CPM: variants seen among roughly 807,000 people sequenced by gnomAD.
CPM encodes the protein carboxypeptidase M.
CPM carries 35 observed loss-of-function variants against 46.4 expected under a neutral mutation model. The observed-to-expected ratio is 0.75, with a 90% CI of 0.58 to 1.00. The LOEUF (loss-of-function observed/expected upper bound fraction) is 1.00. CPM is among the 50% of genes least tolerant of loss of function. The pLI is 0.00. For missense variants in CPM, 422 were observed against 530.4 expected (o/e 0.80, Z 2.01); for synonymous variants, 195 against 195.3 (o/e 1.00, Z 0.01).
chr12:68,871,993 T>A, intron 3 of CPM, 37 bp from the exon 4 acceptor site: 1 of 1,609,552 alleles, frequency 6.2e-7, no homozygotes, highest in Non-Finnish European at 8.5e-7. Context: ...CATTATTAGG[T>A]CAGAGGCAAT....
At chr12:68,911,058 C>T (rs1874890) in intron 2 of CPM, among the ~76,000 whole-genome samples, 8,309 of 152,178 alleles carry the variant, frequency 0.055, 520 homozygotes, top group African/African-American at 0.15. Context: ...ATTTGCTATA[C>T]GGCATCTGGG....
intron 1 of CPM, among the ~76,000 whole-genome samples, chr12:68,959,536 GA>G (rs1216967581): frequency 6.6e-6 from 1 of 152,198 alleles, no homozygotes; most frequent in Non-Finnish European, 1.5e-5. Context: ...TTGGACCAAG[GA>G]CAAATACATT....
chr12:68,860,954 T>A (rs761273228), intron 7 of CPM, among the ~76,000 whole-genome samples: 1 of 151,866 alleles, frequency 6.6e-6, no homozygotes, highest in South Asian at 2.1e-4. Flanking sequence ...GATCAGGGCT[T>A]ACTGCAGCCT....
chr12:68,953,076 G>A (rs1463513614), intron 1 of CPM, among the ~76,000 whole-genome samples: 1 of 152,184 alleles, frequency 6.6e-6, no homozygotes, highest in African/African-American at 2.4e-5. Context: ...GGCAGGTACT[G>A]GTTCACAGAG....
At chr12:68,849,778 A>G (rs1884577019), downstream of CPM, 1 of 148,684 alleles carries the variant, frequency 6.7e-6, no homozygotes, top group Admixed American at 6.7e-5. Flanking sequence ...ATGCCTGGCA[A>G]ATTTTTGTAT....
At chr12:68,949,425 T>A (rs1254298257) in intron 1 of CPM, among the ~76,000 whole-genome samples, 1 of 152,176 alleles carries the variant, frequency 6.6e-6, no homozygotes. Context: ...TAGATAAGGA[T>A]TCAAATTCTG....
intron 3 of CPM, among the ~76,000 whole-genome samples, chr12:68,884,640 G>A (rs964088420): frequency 3.9e-5 from 6 of 152,222 alleles, no homozygotes; most frequent in African/African-American, 1.4e-4. Flanking sequence ...AAAGTTATAA[G>A]TTGTGTTTTA....
At position 68,871,826 on chromosome 12, in the gene CPM, A is replaced by C. The variant is rs776780426; in HGVS notation, c.389T>G (p.Phe130Cys). The C allele has an allele frequency of 5.0e-6, 8 of 1,614,206 alleles. No homozygotes were observed. In the Admixed American group the frequency reaches 8.3e-5, roughly 17 times the overall value. The change falls in exon 4 of 9, where the codon TTT becomes TGT. Residue 130 changes from phenylalanine (F) to cysteine (C), a missense_variant. Coordinates refer to ENST00000551568, the MANE Select transcript of CPM (RefSeq NM_198320.5). The part of the protein sequence containing the change: ...HIMPSMNPDG[F>C]EAVKKPDCYY... ...ACAGTCAGGCTTTTTGACGGCTTCA[A>C]ATCCATCTGGGTTCATGGAAGGCAT...
chr12:68,877,601 A>G (rs1360998478), intron 3 of CPM, among the ~76,000 whole-genome samples: 9 of 152,226 alleles, frequency 5.9e-5, no homozygotes, highest in Non-Finnish European at 8.8e-5. Flanking sequence ...CTTAAAATGA[A>G]TTAGATATTT....
At chr12:68,913,904 A>G (rs1477411642) in intron 2 of CPM, 25 of 708,422 alleles carry the variant, frequency 3.5e-5, no homozygotes, top group Middle Eastern at 2.5e-4. Flanking sequence ...ATGCAACAAG[A>G]TATCAAAAGA....
chr12:68,925,820 A>C (rs1888234639), intron 2 of CPM, among the ~76,000 whole-genome samples: 1 of 152,238 alleles, frequency 6.6e-6, no homozygotes, highest in Admixed American at 6.5e-5. Flanking sequence ...GCACAGTCCG[A>C]TCAAAATATA....
intron 2 of CPM, among the ~76,000 whole-genome samples, chr12:68,888,771 G>A (rs1399804986): frequency 6.6e-6 from 1 of 152,206 alleles, no homozygotes; most frequent in African/African-American, 2.4e-5. Context: ...AGAGATTTCA[G>A]TATTTATATT....
upstream of CPM, among the ~76,000 whole-genome samples, chr12:68,933,556 G>A (rs1888605858): frequency 6.6e-6 from 1 of 152,102 alleles, no homozygotes; most frequent in Non-Finnish European, 1.5e-5. Flanking sequence ...TTTAGGGCTC[G>A]GCGGGTTTCC....
intron 7 of CPM, among the ~76,000 whole-genome samples, chr12:68,859,331 C>A (rs1885112581): frequency 6.6e-6 from 1 of 152,164 alleles, no homozygotes; most frequent in South Asian, 2.1e-4. Context: ...AGTGAGAGAA[C>A]ACAGATGACA....
chr12:68,907,742 C>G (rs1269231560), intron 2 of CPM, among the ~76,000 whole-genome samples: 1 of 152,156 alleles, frequency 6.6e-6, no homozygotes, highest in African/African-American at 2.4e-5. Flanking sequence ...AATTAACATG[C>G]CTACATGTAG....
At chr12:68,875,517 A>G (rs1885909671) in intron 3 of CPM, among the ~76,000 whole-genome samples, 1 of 151,994 alleles carries the variant, frequency 6.6e-6, no homozygotes, top group Non-Finnish European at 1.5e-5. Flanking sequence ...GAAAAATCTG[A>G]TCATCAAGCT....
At chr12:68,923,472 C>T (rs954240740) in intron 2 of CPM, among the ~76,000 whole-genome samples, 1 of 152,168 alleles carries the variant, frequency 6.6e-6, no homozygotes, top group Non-Finnish European at 1.5e-5. Context: ...GGGTCCTTAA[C>T]AGCTCTCTTT....
chr12:68,877,129 T>C (rs1455804019), intron 3 of CPM, among the ~76,000 whole-genome samples: 1 of 152,216 alleles, frequency 6.6e-6, no homozygotes, highest in Admixed American at 6.5e-5. Flanking sequence ...TTATCTAGCA[T>C]ACTTTTCTTG....
intron 2 of CPM, among the ~76,000 whole-genome samples, chr12:68,909,002 T>A (rs1887467748): frequency 6.6e-6 from 1 of 152,188 alleles, no homozygotes; most frequent in Admixed American, 6.5e-5. Context: ...TACCTCAATG[T>A]TTATCTAATG....
Sources: allele counts gnomAD v4.1 joint callset (sites outside exome capture counted in the v4.1 genomes callset), GRCh38; gene constraint gnomAD v4.1.1; transcripts MANE v1.5; gene names NCBI Gene and HGNC (gene_info 2026-07-23, HGNC 2026-07-21).